Variants in LIN7A observed in about 807,000 individuals in gnomAD.
The protein encoded by LIN7A is protein lin-7 homolog A.
Under a neutral mutation model 29.8 loss-of-function variants are expected in LIN7A, and 25 were observed. The ratio of observed to expected loss-of-function variants is 0.84; its 90% confidence interval spans 0.61 to 1.17. LIN7A has a LOEUF of 1.17. Among genes scored for constraint, LIN7A ranks in the 50% most tolerant of loss-of-function variants. The pLI is 0.00. For missense variants in LIN7A, 239 were observed against 287.0 expected, an observed-to-expected ratio of 0.83 and a Z score of 1.21; for synonymous variants, 118 against 107.5, an observed-to-expected ratio of 1.10 and a Z score of -0.60.
intron 1 of LIN7A, among the ~76,000 whole-genome samples, chr12:80,911,465 A>C (rs1466682128): frequency 6.6e-6 from 1 of 151,966 alleles, no homozygotes; most frequent in Non-Finnish European, 1.5e-5. Flanking sequence ...ATAAGGGATT[A>C]ATTTTAAAAT....
intron 4 of LIN7A, among the ~76,000 whole-genome samples, chr12:80,843,445 T>C (rs772667614): frequency 2.0e-5 from 3 of 152,184 alleles, no homozygotes; most frequent in Non-Finnish European, 2.9e-5. Flanking sequence ...ATCAAATTTA[T>C]GGAAGGGGTT....
chr12:80,899,770 CT>C lies in LIN7A; in HGVS notation c.83-10402del, dbSNP rs71309554. ...CCTCTAGGTTTTCTTTTTTTCTTTT[CT>C]TTTTTTTTTTTTTTTGAGATCGAGT... On this transcript the variant is annotated intron_variant, in intron 1 of 5. Coordinates refer to ENST00000552864, the MANE Select transcript of LIN7A (RefSeq NM_004664.4). Among the ~76,000 whole-genome samples the C allele has an allele frequency of 3.1e-3, 392 of 125,534 alleles. 1 individual carries two copies. Among genetic ancestry groups the C allele is most frequent in the Non-Finnish European group, 4.2e-3 (264 of 62,260 alleles). The allele number at this position is 125,534 out of a possible 152,430, so 82.4% of individuals were successfully genotyped here.
At chr12:80,889,401 T>G in intron 1 of LIN7A, 32 bp from the exon 2 acceptor site, 1 of 1,306,766 alleles carries the variant, frequency 7.7e-7, no homozygotes, top group Non-Finnish European at 1.1e-6. Flanking sequence ...TAGAGAAACC[T>G]AGAATAAATT....
At chr12:80,846,086 T>C (rs1873064433) in intron 3 of LIN7A, 147 bp from the exon 4 acceptor site, 1 of 681,310 alleles carries the variant, frequency 1.5e-6, no homozygotes, top group Non-Finnish European at 2.2e-6. Flanking sequence ...AGCAGAGGAC[T>C]TTCTTCATTT....
At chr12:80,811,877 G>A (rs1336418180) in intron 4 of LIN7A, among the ~76,000 whole-genome samples, 194 bp from the exon 5 acceptor site, 1 of 152,134 alleles carries the variant, frequency 6.6e-6, no homozygotes, top group East Asian at 1.9e-4. Context: ...GCTGCACTAG[G>A]TCACAGAATG....
At chr12:80,857,109 T>C (rs1220991135) in intron 2 of LIN7A, among the ~76,000 whole-genome samples, 1 of 152,184 alleles carries the variant, frequency 6.6e-6, no homozygotes, top group Non-Finnish European at 1.5e-5. Context: ...CCTTCTTCTC[T>C]TTCTGCATCC....
chr12:80,848,193 A>G, intron 3 of LIN7A, 58 bp downstream of exon 3: 1 of 1,250,754 alleles, frequency 8.0e-7, no homozygotes, highest in Non-Finnish European at 1.2e-6. Flanking sequence ...ACACACGCGC[A>G]CAATCAATTA....
intron 2 of LIN7A, among the ~76,000 whole-genome samples, chr12:80,881,165 A>AC (rs1214493165): frequency 6.6e-6 from 1 of 151,476 alleles, no homozygotes. Flanking sequence ...CAGGGGAAAA[A>AC]AATCTATATT....
intron 5 of LIN7A, among the ~76,000 whole-genome samples, chr12:80,798,880 G>T (rs1196727285): frequency 6.6e-6 from 1 of 151,258 alleles, no homozygotes; most frequent in Non-Finnish European, 1.5e-5. Flanking sequence ...CTACAGGCAT[G>T]TGCCACCACC....
At chr12:80,858,766 A>C (rs992351677) in intron 2 of LIN7A, among the ~76,000 whole-genome samples, 12 of 152,156 alleles carry the variant, frequency 7.9e-5, no homozygotes, top group African/African-American at 2.9e-4. Flanking sequence ...CGCTGATGTG[A>C]AATTTTATGA....
At chr12:80,798,986 G>A (rs2121476102) in intron 5 of LIN7A, among the ~76,000 whole-genome samples, 1 of 152,222 alleles carries the variant, frequency 6.6e-6, no homozygotes, top group Non-Finnish European at 1.5e-5. Flanking sequence ...GCCTGCCTTG[G>A]CCTCCAAAGT....
At chr12:80,890,252 G>T (rs1254982072) in intron 1 of LIN7A, among the ~76,000 whole-genome samples, 1 of 152,096 alleles carries the variant, frequency 6.6e-6, no homozygotes, top group Non-Finnish European at 1.5e-5. Context: ...ACTTATGGGT[G>T]ATCTCTTCTA....
intron 2 of LIN7A, among the ~76,000 whole-genome samples, chr12:80,884,303 A>G (rs1025736147): frequency 3.3e-5 from 5 of 152,184 alleles, no homozygotes; most frequent in African/African-American, 1.2e-4. Context: ...TTGTGTATCA[A>G]TGTGTGTCAG....
At chr12:80,902,750 G>A (rs568431831) in intron 1 of LIN7A, among the ~76,000 whole-genome samples, 121 of 152,092 alleles carry the variant, frequency 8.0e-4, no homozygotes, top group African/African-American at 2.7e-3. Context: ...ATGAGTTCTA[G>A]GAGACTTTTG....
At chr12:80,860,241 T>C (rs1467515123) in intron 2 of LIN7A, among the ~76,000 whole-genome samples, 1 of 152,198 alleles carries the variant, frequency 6.6e-6, no homozygotes, top group Non-Finnish European at 1.5e-5. Context: ...TGTGTGCCAA[T>C]AATAATTATT....
intron 2 of LIN7A, among the ~76,000 whole-genome samples, chr12:80,877,533 G>T (rs1874773589): frequency 6.6e-6 from 1 of 151,678 alleles, no homozygotes; most frequent in Non-Finnish European, 1.5e-5. Context: ...TACAAATAAA[G>T]CAAGGAAATA....
intron 1 of LIN7A, among the ~76,000 whole-genome samples, chr12:80,926,287 A>G (rs1357793773): frequency 6.6e-6 from 1 of 152,226 alleles, no homozygotes; most frequent in East Asian, 1.9e-4. Context: ...TAAACATGAC[A>G]TACAGAAGGC....
In LIN7A at chr12:80,911,330, G is replaced by A. The variant is rs899889827; in HGVS notation, c.83-21961C>T. ...GAGGTCTCACTATGTTGCCCAGGCT[G>A]GACATGAGCTCCTAGGCTAAAGAGA... On this transcript the variant is annotated intron_variant, in intron 1 of 5. Coordinates refer to ENST00000552864, the MANE Select transcript of LIN7A (RefSeq NM_004664.4). Among the ~76,000 whole-genome samples the A allele has an allele frequency of 5.5e-5, 8 of 144,764 alleles. No individual in the cohort carries two copies. In the Admixed American group the frequency reaches 5.6e-4, roughly 10 times the overall value. 95.0% of individuals were successfully genotyped at this position (144,764 alleles called of 152,430 possible).
chr12:80,902,774 G>A (rs1218977883), intron 1 of LIN7A, among the ~76,000 whole-genome samples: 1 of 151,898 alleles, frequency 6.6e-6, no homozygotes, highest in South Asian at 2.1e-4. Context: ...GAGTCTTTAG[G>A]ATTTTCTAGG....
Sources: allele counts gnomAD v4.1 joint callset (sites outside exome capture counted in the v4.1 genomes callset), GRCh38; gene constraint gnomAD v4.1.1; transcripts MANE v1.5; gene names NCBI Gene and HGNC (gene_info 2026-07-23, HGNC 2026-07-21).